RXRA: variants seen among roughly 807,000 people sequenced by gnomAD.
RXRA encodes retinoic acid receptor RXR-alpha.
RXRA carries 5 observed loss-of-function variants against 44.5 expected under a neutral mutation model. The ratio of observed to expected loss-of-function variants is 0.11; its 90% CI spans 0.06 to 0.24. RXRA has a LOEUF of 0.24. Ranked by LOEUF, RXRA falls within the 10% of genes least tolerant of loss-of-function variation. The pLI is 1.00. For missense variants in RXRA, 412 were observed against 646.5 expected (o/e 0.64, Z 3.93); for synonymous variants, 291 against 271.4 (o/e 1.07, Z -0.71).
chr9:134,432,372 G>A (rs757639766), intron 8 of RXRA, among the ~76,000 whole-genome samples: 1 of 152,228 alleles, frequency 6.6e-6, no homozygotes, highest in Non-Finnish European at 1.5e-5. Context: ...AGCCCTGCAG[G>A]CTGGGGATGG....
At position 134,401,939 on chromosome 9, in the gene RXRA, T is replaced by C. The variant is rs368630330; in HGVS notation, c.279+57T>C. ...TGGGGCCTGGGGTGGGGCTGTGGCT[T>C]CAACTGCAGGACGACCGCCTCATCT... On this transcript the variant is annotated intron_variant, in intron 2 of 9. Transcript: ENST00000481739. The C allele has an allele frequency of 1.3e-3, 1,775 of 1,379,540 alleles. 12 individuals carry two copies. Among genetic ancestry groups the C allele is most frequent in the South Asian group, 0.012 (880 of 72,402 alleles). 85.5% of individuals were successfully genotyped at this position (1,379,540 alleles called of 1,614,324 possible).
rs199768621 is a variant in RXRA, at chr9:134,421,777, G to A, written c.882G>A (p.Leu294=). ...TCCCACACTTCTCAGAGCTGCCCCTGGACGACCAGGTCATCCTGCTGCGGG... is the reference window on the plus strand; with the variant it reads ...TCCCACACTTCTCAGAGCTGCCCCTAGACGACCAGGTCATCCTGCTGCGGG... ...KRIPHFSELP[L]DDQVILLRAG... is the part of the protein sequence containing the mutation. The change falls in exon 6 of 10, where the codon CTG becomes CTA. Residue 294 remains leucine (L), a synonymous_variant. Coordinates refer to ENST00000481739, the MANE Select transcript of RXRA (RefSeq NM_002957.6). 2.8e-5 allele frequency: 45 copies of A among 1,612,232 alleles called. No homozygotes were observed. Among genetic ancestry groups the A allele is most frequent in the Non-Finnish European group, 3.6e-5 (42 of 1,178,840 alleles).
At chr9:134,420,576 C>T (rs976133996) in intron 5 of RXRA, among the ~76,000 whole-genome samples, 11 of 152,250 alleles carry the variant, frequency 7.2e-5, no homozygotes, top group South Asian at 4.1e-4. Context: ...TCCCGCCGGG[C>T]GCTGCGTTTA....
intron 4 of RXRA, among the ~76,000 whole-genome samples, chr9:134,409,467 G>A (rs1831112841): frequency 6.6e-6 from 1 of 152,238 alleles, no homozygotes; most frequent in African/African-American, 2.4e-5. Context: ...TCCTCCCGAG[G>A]CCAACTCTGT....
Position 134,401,741 on chromosome 9 carries a change from G to C in RXRA, c.138G>C (p.Gln46His), listed in dbSNP as rs1588288848. The part of the protein sequence containing the change: ...SLGPGIGSPG[Q>H]LHSPISTLSS... Reference sequence around the variant, plus strand: ...GGCCTGGCATCGGCTCCCCGGGACAGCTGCATTCTCCCATCAGCACCCTGA... The same window carrying C: ...GGCCTGGCATCGGCTCCCCGGGACACCTGCATTCTCCCATCAGCACCCTGA... Residue 46 changes from glutamine (Q) to histidine (H), a missense_variant, in exon 2 of 10, where the codon CAG becomes CAC. Physicochemically the swap from Gln to His is conservative, Grantham distance 24. Transcript: ENST00000481739. The C allele has an allele frequency of 2.5e-6, 4 of 1,613,160 alleles. No homozygotes were observed. The East Asian group carries it at 8.9e-5, about 36-fold the overall frequency.
In RXRA at chr9:134,438,875, T is replaced by G. The variant is rs1381367978; in HGVS notation, c.*2261T>G. ...GGCTGGCTGGCTGGCTGTAAAGCAC[T>G]GAAGCCCCCCGGCCGCCAACCCCTG... On this transcript the variant is annotated 3_prime_UTR_variant, in exon 10 of 10. Transcript: ENST00000481739. 1 of 152,168 alleles carries G rather than the reference T, an allele frequency of 6.6e-6. No homozygotes were observed. The highest frequency in any genetic ancestry group is 2.4e-5 in the African/African-American group (1 of 41,414). The allele number at this position is 152,168 out of a possible 1,614,324, so 9.4% of individuals were successfully genotyped here. A position where few individuals can be genotyped will look rare whatever the true frequency, so the allele number is the denominator to read the frequency against.
At chr9:134,390,406 GCC>G (rs1564281882) in intron 1 of RXRA, among the ~76,000 whole-genome samples, 1 of 152,216 alleles carries the variant, frequency 6.6e-6, no homozygotes, top group Non-Finnish European at 1.5e-5. Context: ...AAAGTCCAAA[GCC>G]CCCAGTCTGG....
chr9:134,429,972 G>A (rs970197838), intron 7 of RXRA, among the ~76,000 whole-genome samples: 2 of 151,888 alleles, frequency 1.3e-5, no homozygotes, highest in South Asian at 2.1e-4. Flanking sequence ...TGCAAGCTCC[G>A]CCTCCCGGGT....
At chr9:134,333,823 G>A (rs1835045252) in intron 1 of RXRA, among the ~76,000 whole-genome samples, 1 of 152,142 alleles carries the variant, frequency 6.6e-6, no homozygotes, top group Admixed American at 6.5e-5. Flanking sequence ...TGCTGTGTCC[G>A]AGCCCCTCTG....
intron 1 of RXRA, 199 bp from the exon 2 acceptor site, chr9:134,401,433 C>A (rs1564285907): frequency 1.2e-6 from 1 of 804,988 alleles, no homozygotes; most frequent in Non-Finnish European, 2.0e-6. Flanking sequence ...AGAACAGTAC[C>A]TTGGAGGGGA....
At chr9:134,331,395 G>A (rs900750871) in intron 1 of RXRA, among the ~76,000 whole-genome samples, 23 of 152,144 alleles carry the variant, frequency 1.5e-4, no homozygotes, top group Admixed American at 5.2e-4. Flanking sequence ...GAGCGGGTGC[G>A]GACCGCGTGC....
rs1265338742 is a variant in RXRA, at chr9:134,417,138, C to G, written c.611-20C>G. 9 of 1,603,576 alleles carry G rather than the reference C, an allele frequency of 5.6e-6. No individual in the cohort carries two copies. The South Asian group carries it at 9.9e-5, about 18-fold the overall frequency. On this transcript the variant is annotated intron_variant, in intron 4 of 9. Coordinates refer to ENST00000481739, the MANE Select transcript of RXRA (RefSeq NM_002957.6). This position sits in a 1 kb window ranked among gnomAD's most constrained non-coding sequence, Gnocchi z 6.1. ...TGGCCGGGCTGAGCGTGGGGCTCAC[C>G]TGCGCCTCCCGGGTTGTAGCCGTGC...
At chr9:134,350,994 C>T (rs913093425) in intron 1 of RXRA, among the ~76,000 whole-genome samples, 3 of 152,262 alleles carry the variant, frequency 2.0e-5, no homozygotes. Context: ...CTGAGCATCC[C>T]TCACCTGCCT....
Position 134,409,114 on chromosome 9 carries a change from G to C in RXRA, c.605G>C (p.Arg202Pro). Residue 202 changes from arginine to proline, a missense_variant, in exon 4 of 10, where the codon CGG becomes CCG. This residue lies in a region of RXRA where 48 missense variants were observed against 119.9 expected (regional missense o/e 0.40). Coordinates refer to ENST00000481739, the MANE Select transcript of RXRA (RefSeq NM_002957.6). ...YQKCLAMGMK[R>P]EAVQEERQRG... is the part of the protein sequence containing the mutation. Reference sequence around the variant, plus strand: ...AAGTGCCTGGCCATGGGCATGAAGCGGGAAGGTAGGCCACGGCGTCGGGTG... The same window carrying C: ...AAGTGCCTGGCCATGGGCATGAAGCCGGAAGGTAGGCCACGGCGTCGGGTG... 6.4e-7 allele frequency: 1 copy of C among 1,568,888 alleles called. No homozygotes were observed.
intron 7 of RXRA, among the ~76,000 whole-genome samples, chr9:134,430,380 C>T (rs1216897562): frequency 2.6e-5 from 4 of 152,202 alleles, no homozygotes; most frequent in South Asian, 2.1e-4. Flanking sequence ...CCCCTGAACA[C>T]GAGAGCCCCA....
intron 1 of RXRA, among the ~76,000 whole-genome samples, chr9:134,334,656 GGCCCTCTGGCTGTCAAAGCCTCT>G (rs1829969150): frequency 6.6e-6 from 1 of 152,212 alleles, no homozygotes; most frequent in African/African-American, 2.4e-5. Context: ...GTTTCCCTGG[GGCCCTCTGGCTGTCAAAGCCTCT>G]GCCTTGCCTT....
intron 1 of RXRA, among the ~76,000 whole-genome samples, chr9:134,338,906 A>G (rs1379979590): frequency 8.6e-5 from 13 of 151,822 alleles, no homozygotes; most frequent in African/African-American, 3.1e-4. Context: ...CTCCCTGCTG[A>G]CCCCTCTGCC....
intron 1 of RXRA, among the ~76,000 whole-genome samples, chr9:134,362,711 C>T (rs1830367007): frequency 6.6e-6 from 1 of 152,198 alleles, no homozygotes; most frequent in African/African-American, 2.4e-5. Flanking sequence ...CTGGTGAGGC[C>T]CAGCAAGGCC....
In RXRA at chr9:134,426,993, C is replaced by G. The variant is rs774870407; in HGVS notation, c.911-2115C>G. ...GCCTGGGAAAACCTGACGGGCTGAG[C>G]CGTAGGAGGGGCAGGAGTGGGAGTG... On this transcript the variant is annotated intron_variant, in intron 6 of 9. Coordinates refer to ENST00000481739, the MANE Select transcript of RXRA (RefSeq NM_002957.6). This position sits in a 1 kb window ranked among gnomAD's most constrained non-coding sequence, Gnocchi z 4.6. 1 of 984,962 alleles carries G rather than the reference C, an allele frequency of 1.0e-6. No homozygotes were observed. The highest frequency in any genetic ancestry group is 1.7e-5 in the African/African-American group (1 of 57,194). 61.0% of individuals were successfully genotyped at this position (984,962 alleles called of 1,614,324 possible).
Sources: gnomAD v4.1 joint callset for allele counts (sites outside exome capture counted in the v4.1 genomes callset) on GRCh38, gnomAD v4.1.1 for gene constraint, gnomAD v4.1.1 regional missense constraint, Gnocchi (gnomAD v3.1) non-coding constraint, MANE v1.5 for transcripts, NCBI Gene and HGNC (gene_info 2026-07-23, HGNC 2026-07-21) for gene names.